The following ACACB variants were observed in gnomAD, a reference collection of about 807,000 sequenced individuals.
ACACB encodes acetyl-CoA carboxylase 2.
ACACB carries 209 observed loss-of-function variants against 278.8 expected under a neutral mutation model. The ratio of observed to expected loss-of-function variants is 0.75; its 90% confidence interval spans 0.67 to 0.84. The LOEUF is 0.84. ACACB is among the 40% of genes least tolerant of loss of function. ACACB has a pLI of 0.00. For missense variants in ACACB, 2,850 were observed against 3,269.0 expected (o/e 0.87, Z 3.13); for synonymous variants, 1,174 against 1,285.6 (o/e 0.91, Z 1.86).
chr12:109,252,096 G>A lies in ACACB; in HGVS notation c.5841G>A (p.Gln1947=). Residue 1947 remains glutamine, a synonymous_variant, in exon 42 of 53, where the codon CAG becomes CAA. Transcript: ENST00000338432. ...GGGCCTACTTGGTGAGGCTGGGCCA[G>A]CGAGTGATCCAGGTGGAGAATTCCC... ...GIGAYLVRLG[Q]RVIQVENSHI... 1 of 1,613,688 alleles carries A rather than the reference G, an allele frequency of 6.2e-7. No individual in the cohort carries two copies. The highest frequency in any genetic ancestry group is 8.5e-7 in the Non-Finnish European group (1 of 1,179,856).
chr12:109,245,080 G>A (rs766750952), intron 37 of ACACB, among the ~76,000 whole-genome samples: 11 of 151,960 alleles, frequency 7.2e-5, no homozygotes, highest in Non-Finnish European at 1.6e-4. Flanking sequence ...CTCAACCCGG[G>A]AGGTTGAGGC....
At position 109,216,617 on chromosome 12, in the gene ACACB, G is replaced by A. The variant is rs1251141035; in HGVS notation, c.3351-1G>A. ...TAAGAGCAGCCTTCCCTTCTCCCCA[G>A]ATACCGCAGCGGGATCCGCGGCTAT... is the stretch of plus-strand genomic sequence containing the variant. On this transcript the variant is annotated splice_acceptor_variant, in intron 22 of 52. Coordinates refer to ENST00000338432, the MANE Select transcript of ACACB (RefSeq NM_001093.4). LOFTEE classifies it high-confidence loss of function. 1.9e-6 allele frequency: 3 copies of A among 1,614,112 alleles called. No homozygotes were observed. Among genetic ancestry groups the A allele is most frequent in the South Asian group, 1.1e-5 (1 of 91,078 alleles).
At chr12:109,134,217 T>C (rs771659393) in intron 1 of ACACB, among the ~76,000 whole-genome samples, 3 of 152,186 alleles carry the variant, frequency 2.0e-5, no homozygotes. Flanking sequence ...AACAAGCCAC[T>C]TCCATGCCAT....
intron 45 of ACACB, among the ~76,000 whole-genome samples, chr12:109,257,590 A>G (rs943731278): frequency 2.6e-5 from 4 of 152,022 alleles, no homozygotes; most frequent in Non-Finnish European, 5.9e-5. Flanking sequence ...TATTATTTTG[A>G]GACAAGGTCT....
Position 109,139,747 on chromosome 12 carries a change from G to A in ACACB, c.342G>A (p.Glu114=), listed in dbSNP as rs756340725. The change falls in exon 2 of 53, where the codon GAG becomes GAA. Residue 114 remains glutamate (E), a synonymous_variant. Transcript: ENST00000338432. ...CCAGTGACGCAGCACCCTCCCCAGA[G>A]CTTCAAGCCAACGGGACTGGGACAC... is the stretch of plus-strand genomic sequence containing the variant. ...LSSSDAAPSP[E]LQANGTGTQG... 3.7e-6 allele frequency: 6 copies of A among 1,614,154 alleles called. No individual in the cohort carries two copies. The highest frequency in any genetic ancestry group is 5.1e-6 in the Non-Finnish European group (6 of 1,180,046).
At chr12:109,191,813 C>A (rs1174207516) in intron 14 of ACACB, 34 bp from the exon 15 acceptor site, 1 of 1,614,022 alleles carries the variant, frequency 6.2e-7, no homozygotes, top group African/African-American at 1.3e-5. Context: ...GAGACCTCGG[C>A]TTCCTGAGGA....
chr12:109,172,252 CTCACCCCTT>C lies in ACACB; in HGVS notation c.1036-20_1036-12del. Reference sequence around the variant, plus strand: ...GCATATTCTTGAAGGAAGATTGTTGCTCACCCCTTTCTGTGTTTGCAGGCGGTGTGGGCT... The same window carrying C: ...GCATATTCTTGAAGGAAGATTGTTGCTCTGTGTTTGCAGGCGGTGTGGGCT... On this transcript the variant is annotated splice_polypyrimidine_tract_variant and intron_variant, in intron 5 of 52. Transcript: ENST00000338432. 1 of 1,610,644 alleles carries C rather than the reference CTCACCCCTT, an allele frequency of 6.2e-7. No individual in the cohort carries two copies. The highest frequency in any genetic ancestry group is 8.5e-7 in the Non-Finnish European group (1 of 1,177,838).
intron 36 of ACACB, 120 bp from the exon 37 acceptor site, chr12:109,242,317 C>T (rs963973272): frequency 7.0e-6 from 8 of 1,149,558 alleles, no homozygotes; most frequent in Non-Finnish European, 1.0e-5. Flanking sequence ...CTCACTTTGT[C>T]ATGCCATGTG....
chr12:109,113,803 G>A (rs2042353393), upstream of ACACB, among the ~76,000 whole-genome samples: 3 of 152,166 alleles, frequency 2.0e-5, no homozygotes, highest in South Asian at 6.2e-4. Flanking sequence ...CAGGTTGCAG[G>A]GAGGTGCTCT....
chr12:109,196,172 A>T lies in ACACB; in HGVS notation c.2482-836A>T, dbSNP rs565146877. On this transcript the variant is annotated intron_variant, in intron 16 of 52. Coordinates refer to ENST00000338432, the MANE Select transcript of ACACB (RefSeq NM_001093.4). Reference sequence around the variant, plus strand: ...GGGCAGGCGCTCTTCCTGGAGGGAGATGTAGTGCTGGGGCCAGGGCTTGGC... The same window carrying T: ...GGGCAGGCGCTCTTCCTGGAGGGAGTTGTAGTGCTGGGGCCAGGGCTTGGC... 3.9e-5 allele frequency among the ~76,000 whole-genome samples: 6 copies of T among 152,162 alleles called. No homozygotes were observed. In the East Asian group the frequency reaches 1.2e-3, roughly 29 times the overall value.
Position 109,210,431 on chromosome 12 carries a change from ACACG to A in ACACB, c.3249+1082_3249+1085del, listed in dbSNP as rs1448005857. 2.0e-3 allele frequency among the ~76,000 whole-genome samples: 248 copies of A among 125,032 alleles called. 4 individuals are homozygous for A. The highest frequency in any genetic ancestry group is 8.6e-3 in the African/African-American group (241 of 28,074). The allele number at this position is 125,032 out of a possible 152,430, so 82.0% of individuals were successfully genotyped here. On this transcript the variant is annotated intron_variant, in intron 21 of 52. Transcript: ENST00000338432. ...CACACACATGTGTATATATGTATATACACGCACATACATGTGTATATATGTATAT... is the reference window on the plus strand; with the variant it reads ...CACACACATGTGTATATATGTATATACACATACATGTGTATATATGTATAT...
Position 109,204,551 on chromosome 12 carries a change from A to G in ACACB, c.2914-2159A>G, listed in dbSNP as rs148124806. On this transcript the variant is annotated intron_variant, in intron 19 of 52. Coordinates refer to ENST00000338432, the MANE Select transcript of ACACB (RefSeq NM_001093.4). Reference sequence around the variant, plus strand: ...CAGCCTCCCAAAGTGCTGGGATTACAGGTGTGAGCCACCATGTCCAGCCTC... The same window carrying G: ...CAGCCTCCCAAAGTGCTGGGATTACGGGTGTGAGCCACCATGTCCAGCCTC... Among the ~76,000 whole-genome samples, 1,229 of 152,004 alleles carry G rather than the reference A, an allele frequency of 8.1e-3. 26 individuals are homozygous for G. Among genetic ancestry groups the G allele is most frequent in the African/African-American group, 0.027 (1,135 of 41,446 alleles).
rs1048243508 is a variant in ACACB at position 109,174,336 on chromosome 12, A to G, written c.1216+106A>G. On this transcript the variant is annotated intron_variant, in intron 7 of 52. Coordinates refer to ENST00000338432, the MANE Select transcript of ACACB (RefSeq NM_001093.4). ...GCTTGTAACAATTCTTTCCATTACA[A>G]ATGTTACTTACTTTTATTTTTTAGT... 4 of 833,378 alleles carry G rather than the reference A, an allele frequency of 4.8e-6. No individual in the cohort carries two copies. The African/African-American group carries it at 7.0e-5, about 15-fold the overall frequency. 51.6% of individuals were successfully genotyped at this position (833,378 alleles called of 1,614,324 possible).
the ACACB span, chr12:109,111,554 TTC>T: frequency 6.9e-6 from 1 of 145,372 alleles, no homozygotes; most frequent in Non-Finnish European, 1.5e-5. Flanking sequence ...TTTTCTTTCT[TTC>T]TTTTTCTTTT....
Position 109,167,932 on chromosome 12 carries a change from T to C in ACACB, c.823T>C (p.Cys275Arg). ...IANNGIAAVKCMRSIRRWAYE... is the reference protein window; with the variant it reads ...IANNGIAAVKRMRSIRRWAYE... ...CAACAACGGGATTGCCGCCGTGAAG[T>C]GCATGCGCTCCATCCGCAGGTGGGC... Residue 275 changes from cysteine to arginine, a missense_variant, in exon 4 of 53, where the codon TGC becomes CGC. This residue lies in a region of ACACB where 2,265 missense variants were observed against 2,561.3 expected (regional missense o/e 0.88). Transcript: ENST00000338432. 1 of 1,613,998 alleles carries C rather than the reference T, an allele frequency of 6.2e-7. No homozygotes were observed. Among genetic ancestry groups the C allele is most frequent in the East Asian group, 2.2e-5 (1 of 44,844 alleles).
chr12:109,171,529 T>C (rs1183053764), intron 4 of ACACB, among the ~76,000 whole-genome samples: 2 of 152,092 alleles, frequency 1.3e-5, no homozygotes, highest in African/African-American at 2.4e-5. Context: ...TTTGTATTTT[T>C]AGTAGAGACA....
At chr12:109,199,200 A>G (rs2136322102) in intron 17 of ACACB, among the ~76,000 whole-genome samples, 2 of 152,156 alleles carry the variant, frequency 1.3e-5, no homozygotes, top group Middle Eastern at 6.8e-3. Context: ...AAAAAAAAAA[A>G]TAAAATAAGA....
At chr12:109,231,228 G>A (rs1344413779) in intron 28 of ACACB, among the ~76,000 whole-genome samples, 1 of 152,142 alleles carries the variant, frequency 6.6e-6, no homozygotes, top group Admixed American at 6.6e-5. Context: ...CCTGCGATGG[G>A]GCTGCTGTCC....
chr12:109,166,793 C>T, intron 2 of ACACB, 68 bp from the exon 3 acceptor site: 5 of 1,585,942 alleles, frequency 3.2e-6, no homozygotes, highest in Middle Eastern at 1.7e-4. Context: ...ACTGGCTTTA[C>T]AGGTGCCGAG....
Sources: allele counts gnomAD v4.1 joint callset (sites outside exome capture counted in the v4.1 genomes callset), GRCh38; gene constraint gnomAD v4.1.1; regional missense constraint gnomAD v4.1.1; transcripts MANE v1.5; gene names NCBI Gene and HGNC (gene_info 2026-07-23, HGNC 2026-07-21).